The following LHPP variants were observed in gnomAD, a reference collection of about 807,000 sequenced individuals.
LHPP encodes the protein hLHPP.
In LHPP, 24 loss-of-function variants were observed where a neutral mutation model predicts 30.3. The ratio of observed to expected loss-of-function variants is 0.79; its 90% CI spans 0.57 to 1.11. The LOEUF is 1.11. Ranked by LOEUF, LHPP falls within the 50% of genes most tolerant of loss-of-function variation. The pLI, the probability that LHPP is intolerant of heterozygous loss-of-function variation, is 0.00. For synonymous variants in LHPP, 150 were observed against 157.1 expected (o/e 0.95, Z 0.34); for missense variants, 356 against 367.2 (o/e 0.97, Z 0.25).
rs1249504967 is a variant in LHPP, at chr10:124,593,657, A to G, written c.717-19607A>G. Among the ~76,000 whole-genome samples the G allele has an allele frequency of 2.0e-5, 3 of 152,228 alleles. No homozygotes were observed. The East Asian group carries it at 5.8e-4, about 29-fold the overall frequency. Reference sequence around the variant, plus strand: ...GCAGATCCCCCAGGGCACTCTATCCAGAGGGTGGTGGACCCAAACGCGACG... The same window carrying G: ...GCAGATCCCCCAGGGCACTCTATCCGGAGGGTGGTGGACCCAAACGCGACG... On this transcript the variant is annotated intron_variant, in intron 6 of 6. Transcript: ENST00000368842. This position sits in a 1 kb window ranked among gnomAD's most constrained non-coding sequence, Gnocchi z 4.9.
chr10:124,528,524 A>G (rs1954803108), intron 6 of LHPP, among the ~76,000 whole-genome samples: 1 of 151,940 alleles, frequency 6.6e-6, no homozygotes, highest in Non-Finnish European at 1.5e-5. Context: ...ACACCCGGCT[A>G]ATTTTTGTAT....
intron 6 of LHPP, among the ~76,000 whole-genome samples, chr10:124,584,514 C>T (rs995100552): frequency 2.6e-5 from 4 of 152,050 alleles, no homozygotes; most frequent in African/African-American, 7.2e-5. Flanking sequence ...CCTCACGTGG[C>T]GAAGGAGGGA....
chr10:124,488,833 G>C (rs955057190), intron 3 of LHPP, among the ~76,000 whole-genome samples: 1 of 152,148 alleles, frequency 6.6e-6, no homozygotes, highest in East Asian at 1.9e-4. Context: ...CTAGAAGAGG[G>C]CGTCATTGCA....
In LHPP at chr10:124,576,095, A is replaced by G. The variant is rs1948656189; in HGVS notation, c.717-37169A>G. Among the ~76,000 whole-genome samples, 2 of 152,184 alleles carry G rather than the reference A, an allele frequency of 1.3e-5. 1 individual carries two copies. Among genetic ancestry groups the G allele is most frequent in the African/African-American group, 4.8e-5 (2 of 41,422 alleles). ...CGTTTCTGCATTGTCCGGAGCTCTC[A>G]GACCTGGTTTCTTAACCACTGTGTT... On this transcript the variant is annotated intron_variant, in intron 6 of 6. Coordinates refer to ENST00000368842, the MANE Select transcript of LHPP (RefSeq NM_022126.4). This position sits in a 1 kb window ranked among gnomAD's most constrained non-coding sequence, Gnocchi z 4.2.
At chr10:124,536,601 A>T (rs1473998126) in intron 6 of LHPP, among the ~76,000 whole-genome samples, 2 of 152,166 alleles carry the variant, frequency 1.3e-5, no homozygotes, top group African/African-American at 4.8e-5. Context: ...AACCTCCCTG[A>T]GGGCTCTGTG....
intron 6 of LHPP, among the ~76,000 whole-genome samples, chr10:124,539,472 A>G (rs554542693): frequency 6.6e-6 from 1 of 152,258 alleles, no homozygotes; most frequent in South Asian, 2.1e-4. Flanking sequence ...TACAAGTACA[A>G]AAATTTGGCC....
Position 124,596,348 on chromosome 10 carries a change from T to C in LHPP, c.717-16916T>C, listed in dbSNP as rs994091700. Among the ~76,000 whole-genome samples the C allele has an allele frequency of 2.0e-5, 3 of 152,168 alleles. No individual in the cohort carries two copies. The highest frequency in any genetic ancestry group is 2.9e-5 in the Non-Finnish European group (2 of 68,022). On this transcript the variant is annotated intron_variant, in intron 6 of 6. Coordinates refer to ENST00000368842, the MANE Select transcript of LHPP (RefSeq NM_022126.4). This position sits in a 1 kb window ranked among gnomAD's most constrained non-coding sequence, Gnocchi z 4.6. ...CCAAACATTTCTCCAGAGTGTCTGA[T>C]GTACCATGTTGCGCTCCCGCCAGCC...
intron 3 of LHPP, among the ~76,000 whole-genome samples, chr10:124,495,776 G>A (rs1277002701): frequency 6.6e-6 from 1 of 152,160 alleles, no homozygotes; most frequent in African/African-American, 2.4e-5. Flanking sequence ...ATATTCTCCT[G>A]TCTCATCTGG....
chr10:124,608,088 C>A (rs1284003019), intron 6 of LHPP, among the ~76,000 whole-genome samples: 1 of 152,134 alleles, frequency 6.6e-6, no homozygotes, highest in Non-Finnish European at 1.5e-5. Flanking sequence ...CTGGTCCTTC[C>A]CGCAGGCACC....
At chr10:124,566,564 G>A (rs1349651896) in intron 6 of LHPP, among the ~76,000 whole-genome samples, 2 of 152,178 alleles carry the variant, frequency 1.3e-5, no homozygotes, top group Admixed American at 6.5e-5. Context: ...AATTGGCCAC[G>A]GTGGAAGTAT....
At chr10:124,588,576 A>T (rs112949196) in intron 6 of LHPP, among the ~76,000 whole-genome samples, 7,216 of 152,258 alleles carry the variant, frequency 0.047, 529 homozygotes, top group African/African-American at 0.16. Flanking sequence ...TGCCCGGCCC[A>T]GCTTTTTCAT....
At chr10:124,565,642 G>A (rs981425369) in intron 6 of LHPP, among the ~76,000 whole-genome samples, 4 of 152,220 alleles carry the variant, frequency 2.6e-5, no homozygotes, top group Non-Finnish European at 2.9e-5. Flanking sequence ...ACCCCACGCC[G>A]TGCGCCCCAG....
At chr10:124,506,399 C>G in intron 5 of LHPP, among the ~76,000 whole-genome samples, 1 of 151,844 alleles carries the variant, frequency 6.6e-6, no homozygotes, top group Non-Finnish European at 1.5e-5. Context: ...ATGGGACCAC[C>G]CCCTTCCCAA....
chr10:124,538,370 C>T (rs548808060), intron 6 of LHPP, among the ~76,000 whole-genome samples: 1 of 152,348 alleles, frequency 6.6e-6, no homozygotes, highest in African/African-American at 2.4e-5. Context: ...GGTGCCTTCT[C>T]TCAGCCCTTT....
intron 6 of LHPP, among the ~76,000 whole-genome samples, chr10:124,588,638 A>G (rs1319320587): frequency 6.6e-6 from 1 of 152,214 alleles, no homozygotes; most frequent in African/African-American, 2.4e-5. Flanking sequence ...ATCCATATTG[A>G]TGGATCCTGG....
chr10:124,499,382 G>A (rs1038042582), intron 5 of LHPP, among the ~76,000 whole-genome samples: 3 of 151,938 alleles, frequency 2.0e-5, no homozygotes, highest in Middle Eastern at 3.4e-3. Context: ...GGAGGCTGAC[G>A]CCTGTAGTCC....
chr10:124,500,941 G>T (rs1195309817), intron 5 of LHPP, among the ~76,000 whole-genome samples: 2 of 151,874 alleles, frequency 1.3e-5, no homozygotes, highest in African/African-American at 2.4e-5. Context: ...ACAAAAACTT[G>T]TACACAGATA....
chr10:124,601,525 G>A (rs1315673033), intron 6 of LHPP, among the ~76,000 whole-genome samples: 1 of 152,196 alleles, frequency 6.6e-6, no homozygotes, highest in Admixed American at 6.5e-5. Flanking sequence ...CCACCAACCC[G>A]CTGGTGGGCG....
intron 6 of LHPP, among the ~76,000 whole-genome samples, chr10:124,539,942 C>T (rs868205163): frequency 3.3e-5 from 5 of 152,128 alleles, no homozygotes; most frequent in Middle Eastern, 3.2e-3. Flanking sequence ...CTACCACCTA[C>T]GGCTGGGGAG....
Sources: allele counts gnomAD v4.1 joint callset (sites outside exome capture counted in the v4.1 genomes callset), GRCh38; gene constraint gnomAD v4.1.1; non-coding constraint Gnocchi (gnomAD v3.1); transcripts MANE v1.5; gene names NCBI Gene and HGNC (gene_info 2026-07-23, HGNC 2026-07-21).